MED13L: variants seen among roughly 807,000 people sequenced by gnomAD.
The protein encoded by MED13L is mediator complex subunit 13L.
In MED13L, 7 loss-of-function variants were observed where a neutral mutation model predicts 220.9. The observed-to-expected ratio is 0.03, with a 90% CI of 0.02 to 0.06. The LOEUF (loss-of-function observed/expected upper bound fraction) is 0.06. Ranked by LOEUF, MED13L falls within the 10% of genes least tolerant of loss-of-function variation. The pLI, the probability that MED13L is intolerant of heterozygous loss-of-function variation, is 1.00. For missense variants in MED13L, 1,965 were observed against 2,760.5 expected, an observed-to-expected ratio of 0.71 and a Z score of 6.46; for synonymous variants, 1,011 against 1,015.2, an observed-to-expected ratio of 1.00 and a Z score of 0.08.
intron 2 of MED13L, among the ~76,000 whole-genome samples, chr12:116,235,151 G>A (rs898815792): frequency 6.6e-6 from 1 of 151,944 alleles, no homozygotes; most frequent in African/African-American, 2.4e-5. Flanking sequence ...TTCTAATTAA[G>A]GCTAGATATT....
chr12:116,276,680 G>T, intron 1 of MED13L: 1 of 1,187,046 alleles, frequency 8.4e-7, no homozygotes, highest in East Asian at 5.8e-5. Flanking sequence ...TCGGAGGCGC[G>T]GCAGCACAAG....
intron 2 of MED13L, among the ~76,000 whole-genome samples, chr12:116,155,448 C>T (rs987720354): frequency 1.3e-5 from 2 of 152,062 alleles, no homozygotes; most frequent in African/African-American, 4.8e-5. Context: ...CTTTAATGTT[C>T]TGAATACTTC....
At chr12:116,192,521 T>G (rs1191563219) in intron 2 of MED13L, among the ~76,000 whole-genome samples, 1 of 152,156 alleles carries the variant, frequency 6.6e-6, no homozygotes, top group Non-Finnish European at 1.5e-5. Context: ...AAGGTTTTAT[T>G]CTCTGTAACA....
Position 116,124,123 on chromosome 12 carries a change from C to CGAGAGAGAGAGAGAGAGAGAGAGAGA in MED13L, c.311-12637_311-12612dup, listed in dbSNP as rs58366115. Reference sequence around the variant, plus strand: ...ACATCTGCAGAGAGAGAGAGAAAGACGAGAGAGAGAGAGAGAGAGAGAGAG... The same window carrying CGAGAGAGAGAGAGAGAGAGAGAGAGA: ...ACATCTGCAGAGAGAGAGAGAAAGACGAGAGAGAGAGAGAGAGAGAGAGAGAGAGAGAGAGAGAGAGAGAGAGAGAG... On this transcript the variant is annotated intron_variant, in intron 2 of 30. Transcript: ENST00000281928. Among the ~76,000 whole-genome samples the CGAGAGAGAGAGAGAGAGAGAGAGAGA allele has an allele frequency of 3.6e-3, 475 of 133,172 alleles. 4 individuals are homozygous for CGAGAGAGAGAGAGAGAGAGAGAGAGA. The highest frequency in any genetic ancestry group is 7.7e-3 in the South Asian group (29 of 3,788). 87.4% of individuals were successfully genotyped at this position (133,172 alleles called of 152,430 possible). A position where few individuals can be genotyped will look rare whatever the true frequency, so the allele number is the denominator to read the frequency against.
intron 2 of MED13L, among the ~76,000 whole-genome samples, chr12:116,151,155 A>G (rs1318218785): frequency 6.6e-6 from 1 of 152,132 alleles, no homozygotes; most frequent in East Asian, 1.9e-4. Context: ...TTTCATCTTA[A>G]CTAGGCTTTT....
At chr12:116,127,371 T>C (rs1455310477) in intron 2 of MED13L, among the ~76,000 whole-genome samples, 1 of 152,206 alleles carries the variant, frequency 6.6e-6, no homozygotes, top group Non-Finnish European at 1.5e-5. Flanking sequence ...TGTATATACA[T>C]CATGATCTCA....
At chr12:116,108,406 T>TGGGGG (rs1565881144) in intron 3 of MED13L, among the ~76,000 whole-genome samples, 1 of 16,126 alleles carries the variant, frequency 6.2e-5, no homozygotes, top group Non-Finnish European at 1.3e-4. Flanking sequence ...GGGGGGCGCG[T>TGGGGG]GGGGGGTGGG....
chr12:116,131,087 A>G (rs916650119), intron 2 of MED13L, among the ~76,000 whole-genome samples: 3 of 152,204 alleles, frequency 2.0e-5, no homozygotes, highest in African/African-American at 7.2e-5. Flanking sequence ...CTGAAGTTAC[A>G]ACAACCAAAA....
chr12:116,056,516 C>T (rs1010680484), intron 4 of MED13L, among the ~76,000 whole-genome samples: 6 of 152,140 alleles, frequency 3.9e-5, no homozygotes, highest in Admixed American at 6.5e-5. Context: ...CAGGCATGAG[C>T]CACTGTGCCT....
intron 4 of MED13L, among the ~76,000 whole-genome samples, chr12:116,057,844 A>AT (rs960597744): frequency 2.6e-5 from 4 of 151,892 alleles, no homozygotes; most frequent in Non-Finnish European, 4.4e-5. Flanking sequence ...GATTATTACT[A>AT]TTTTTTTTAT....
At chr12:116,008,270 C>A in intron 10 of MED13L, 131 bp downstream of exon 10, 1 of 1,272,652 alleles carries the variant, frequency 7.9e-7, no homozygotes, top group South Asian at 1.6e-5. Context: ...TAAACATTTT[C>A]CATATCCGGA....
chr12:116,194,062 A>G (rs894450926), intron 2 of MED13L, among the ~76,000 whole-genome samples: 32 of 152,352 alleles, frequency 2.1e-4, no homozygotes, highest in Middle Eastern at 3.4e-3. Context: ...CCTATCTCCA[A>G]TTTTTAAAGA....
Position 116,007,385 on chromosome 12 carries a change from T to C in MED13L, c.2238+26A>G, listed in dbSNP as rs1046872222. The C allele has an allele frequency of 5.1e-6, 8 of 1,583,402 alleles. No individual in the cohort carries two copies. The Admixed American group carries it at 1.0e-4, about 20-fold the overall frequency. ...ACATAGATAGAAACCCACACCATGC[T>C]GGACTCTCTCTCTGTTAAATGGTAC... On this transcript the variant is annotated intron_variant, in intron 11 of 30. Transcript: ENST00000281928.
intron 2 of MED13L, among the ~76,000 whole-genome samples, chr12:116,235,743 A>G (rs927926234): frequency 2.6e-5 from 4 of 152,186 alleles, no homozygotes; most frequent in Non-Finnish European, 4.4e-5. Context: ...TTAATAAGCT[A>G]TTTCTAAGAA....
chr12:116,093,596 C>T (rs558961377), intron 4 of MED13L, among the ~76,000 whole-genome samples: 1 of 151,806 alleles, frequency 6.6e-6, no homozygotes, highest in African/African-American at 2.4e-5. Flanking sequence ...ATTTTTTCAC[C>T]ATGATTAGAA....
At chr12:116,165,013 A>G (rs1879143873) in intron 2 of MED13L, among the ~76,000 whole-genome samples, 1 of 152,228 alleles carries the variant, frequency 6.6e-6, no homozygotes, top group South Asian at 2.1e-4. Context: ...CCAAAAGCAT[A>G]TCTGCAATAC....
At chr12:116,028,204 AT>A (rs1020580745) in intron 4 of MED13L, among the ~76,000 whole-genome samples, 78 of 152,208 alleles carry the variant, frequency 5.1e-4, no homozygotes, top group Middle Eastern at 3.2e-3. Context: ...ATGAGATCAG[AT>A]TTGAGAATGA....
intron 8 of MED13L, 106 bp downstream of exon 8, chr12:116,015,003 C>G: frequency 9.3e-7 from 1 of 1,074,180 alleles, no homozygotes; most frequent in Non-Finnish European, 1.4e-6. Context: ...CAATGATGAC[C>G]TCTCAAGTTT....
chr12:116,126,798 G>A (rs1875625831), intron 2 of MED13L, among the ~76,000 whole-genome samples: 1 of 152,036 alleles, frequency 6.6e-6, no homozygotes, highest in Admixed American at 6.6e-5. Flanking sequence ...AACTGCACTA[G>A]AATGTGGGAA....
Sources: allele counts gnomAD v4.1 joint callset (sites outside exome capture counted in the v4.1 genomes callset), GRCh38; gene constraint gnomAD v4.1.1; transcripts MANE v1.5; gene names NCBI Gene and HGNC (gene_info 2026-07-23, HGNC 2026-07-21).